Variants in LIMCH1 observed in about 807,000 individuals in gnomAD.
The protein encoded by LIMCH1 is LIM and calponin homology domains 1.
Under a neutral mutation model 176.5 loss-of-function variants are expected in LIMCH1, and 113 were observed. The ratio of observed to expected loss-of-function variants is 0.64; its 90% CI spans 0.55 to 0.75. The LOEUF (loss-of-function observed/expected upper bound fraction) is 0.75. Among genes scored for constraint, LIMCH1 ranks in the 30% least tolerant of loss-of-function variants. The pLI, the probability that LIMCH1 is intolerant of heterozygous loss-of-function variation, is 0.00. For missense variants in LIMCH1, 1,674 were observed against 1,814.9 expected, an observed-to-expected ratio of 0.92 and a Z score of 1.41; for synonymous variants, 619 against 645.9, an observed-to-expected ratio of 0.96 and a Z score of 0.63.
upstream of LIMCH1, among the ~76,000 whole-genome samples, chr4:41,536,301 T>C (rs1373578090): frequency 6.6e-6 from 1 of 152,178 alleles, no homozygotes; most frequent in Non-Finnish European, 1.5e-5. Flanking sequence ...TGGATTGTTT[T>C]TGTAGGAAGT....
chr4:41,649,115 T>C (rs1298772052), intron 17 of LIMCH1, among the ~76,000 whole-genome samples: 1 of 152,180 alleles, frequency 6.6e-6, no homozygotes, highest in Non-Finnish European at 1.5e-5. Flanking sequence ...AAAGGCCTAA[T>C]GAGGCTGGGC....
At chr4:41,384,286 G>A (rs2056161425) in intron 1 of LIMCH1, among the ~76,000 whole-genome samples, 1 of 151,576 alleles carries the variant, frequency 6.6e-6, no homozygotes, top group African/African-American at 2.4e-5. Flanking sequence ...CTCACTACAA[G>A]CTCCGTCTCC....
intron 1 of LIMCH1, among the ~76,000 whole-genome samples, chr4:41,548,961 A>G (rs889085206): frequency 8.5e-5 from 13 of 152,136 alleles, no homozygotes; most frequent in Admixed American, 2.6e-4. Context: ...TAGTTGTCTC[A>G]TTTGTGGAGT....
upstream of LIMCH1, among the ~76,000 whole-genome samples, chr4:41,535,162 C>CAAAAAAAA (rs61639965): frequency 2.4e-4 from 20 of 83,968 alleles, no homozygotes; most frequent in African/African-American, 4.8e-4. Flanking sequence ...GACCCTGTCA[C>CAAAAAAAA]AAAAAAAAAA....
At chr4:41,594,906 G>T (rs1352147303) in intron 1 of LIMCH1, among the ~76,000 whole-genome samples, 1 of 152,174 alleles carries the variant, frequency 6.6e-6, no homozygotes, top group African/African-American at 2.4e-5. Context: ...GTCTTTTATT[G>T]TGGTGCCAAA....
At position 41,676,368 on chromosome 4, in the gene LIMCH1, A is replaced by C; in HGVS notation, c.3439-14A>C. 1 of 1,610,796 alleles carries C rather than the reference A, an allele frequency of 6.2e-7. No homozygotes were observed. Among genetic ancestry groups the C allele is most frequent in the East Asian group, 2.2e-5 (1 of 44,776 alleles). ...ATGGCTCAATTCTGATCATGGTTTC[A>C]TTTTTCTAAGCAGTTTAAGTTCTGG... On this transcript the variant is annotated splice_polypyrimidine_tract_variant and intron_variant, in intron 22 of 31. Coordinates refer to ENST00000503057, the MANE Select transcript of LIMCH1 (RefSeq NM_001330672.2).
At chr4:41,526,628 A>C (rs944993633) in intron 3 of LIMCH1, among the ~76,000 whole-genome samples, 2 of 152,002 alleles carry the variant, frequency 1.3e-5, no homozygotes, top group African/African-American at 4.8e-5. Context: ...TCAGCTCTCC[A>C]TGATATTGAC....
At chr4:41,500,323 C>T (rs1374438452) in intron 2 of LIMCH1, among the ~76,000 whole-genome samples, 1 of 152,166 alleles carries the variant, frequency 6.6e-6, no homozygotes, top group African/African-American at 2.4e-5. Flanking sequence ...TCTGTTCTTT[C>T]TACATTTGTT....
intron 22 of LIMCH1, among the ~76,000 whole-genome samples, chr4:41,673,398 C>T (rs1227177185): frequency 1.3e-5 from 2 of 152,186 alleles, no homozygotes; most frequent in African/African-American, 2.4e-5. Context: ...AACACATTCG[C>T]ATTTCTTGTT....
intron 2 of LIMCH1, among the ~76,000 whole-genome samples, chr4:41,515,372 T>C (rs1290059829): frequency 6.6e-6 from 1 of 152,234 alleles, no homozygotes; most frequent in Non-Finnish European, 1.5e-5. Flanking sequence ...AGGATTGGCA[T>C]TGTCTCGTTC....
chr4:41,680,032 G>A lies in LIMCH1; in HGVS notation c.3546G>A (p.Lys1182=). ...LQERYQKEQD[K]LKEEWEKAQK... is the part of the protein sequence containing the mutation. The stretch of plus-strand genomic sequence containing the variant: ...AGAGATACCAGAAGGAGCAGGACAA[G>A]CTGAAAGAAGAGTGGGAAAAGGCCC... Residue 1182 remains lysine, a synonymous_variant, in exon 24 of 32, where the codon AAG becomes AAA. Transcript: ENST00000503057. The A allele has an allele frequency of 6.2e-7, 1 of 1,610,572 alleles. No individual in the cohort carries two copies. The highest frequency in any genetic ancestry group is 8.5e-7 in the Non-Finnish European group (1 of 1,178,414).
intron 1 of LIMCH1, among the ~76,000 whole-genome samples, chr4:41,546,876 A>G (rs2079506745): frequency 6.6e-6 from 1 of 152,122 alleles, no homozygotes; most frequent in Admixed American, 6.6e-5. Flanking sequence ...AGAGAAAGAG[A>G]GAGAGAGGTT....
At chr4:41,681,690 TA>T (rs559530064) in intron 25 of LIMCH1, among the ~76,000 whole-genome samples, 3 of 151,680 alleles carry the variant, frequency 2.0e-5, no homozygotes, top group Admixed American at 6.6e-5. Context: ...ATAATAATAA[TA>T]AAAAAAACTA....
chr4:41,480,600 C>T (rs2068433114), intron 1 of LIMCH1, among the ~76,000 whole-genome samples: 1 of 151,896 alleles, frequency 6.6e-6, no homozygotes, highest in Non-Finnish European at 1.5e-5. Flanking sequence ...AGTGAGATTC[C>T]GTCAAAAAAA....
intron 2 of LIMCH1, among the ~76,000 whole-genome samples, chr4:41,603,114 A>G (rs994277621): frequency 1.1e-4 from 16 of 152,178 alleles, no homozygotes; most frequent in African/African-American, 3.6e-4. Context: ...ACTGGTTTAT[A>G]TGATAGTCTT....
intron 1 of LIMCH1, among the ~76,000 whole-genome samples, chr4:41,589,349 C>G (rs2087063424): frequency 6.6e-6 from 1 of 152,024 alleles, no homozygotes; most frequent in African/African-American, 2.4e-5. Flanking sequence ...GACCAGTGAG[C>G]AGGTGCCTGG....
intron 1 of LIMCH1, among the ~76,000 whole-genome samples, chr4:41,364,189 A>T (rs2052608639): frequency 6.6e-6 from 1 of 152,324 alleles, no homozygotes; most frequent in African/African-American, 2.4e-5. Context: ...CAGCTCACCT[A>T]TTTCATAGGA....
At chr4:41,544,571 A>G (rs2079112641) in intron 1 of LIMCH1, among the ~76,000 whole-genome samples, 1 of 152,054 alleles carries the variant, frequency 6.6e-6, no homozygotes. Flanking sequence ...TTACCTAGTT[A>G]CCTGGTTTTC....
chr4:41,506,344 C>T (rs773319353), intron 2 of LIMCH1, among the ~76,000 whole-genome samples: 3 of 152,112 alleles, frequency 2.0e-5, no homozygotes, highest in Admixed American at 1.3e-4. Flanking sequence ...TGGTGTGTCA[C>T]GGATGTGTCC....
Sources: gnomAD v4.1 joint callset for allele counts (sites outside exome capture counted in the v4.1 genomes callset) on GRCh38, gnomAD v4.1.1 for gene constraint, MANE v1.5 for transcripts, NCBI Gene and HGNC (gene_info 2026-07-23, HGNC 2026-07-21) for gene names.